Variants in KHDRBS2 observed in about 807,000 individuals in gnomAD.
The protein encoded by KHDRBS2 is KH domain-containing, RNA-binding, signal transduction-associated protein 2.
KHDRBS2 carries 26 observed loss-of-function variants against 44.3 expected under a neutral mutation model. The observed-to-expected ratio is 0.59, with a 90% CI of 0.43 to 0.81. The LOEUF (loss-of-function observed/expected upper bound fraction) is 0.81. Among genes scored for constraint, KHDRBS2 ranks in the 40% least tolerant of loss-of-function variants. KHDRBS2 has a pLI of 0.00. For missense variants in KHDRBS2, 476 were observed against 433.1 expected (o/e 1.10, Z -0.88); for synonymous variants, 194 against 151.1 (o/e 1.28, Z -2.08).
At chr6:62,053,587 C>T (rs1789574592) in intron 2 of KHDRBS2, among the ~76,000 whole-genome samples, 2 of 151,844 alleles carry the variant, frequency 1.3e-5, no homozygotes, top group South Asian at 4.1e-4. Context: ...AATCATTATA[C>T]AAACTCACAT....
the KHDRBS2 span, among the ~76,000 whole-genome samples, chr6:61,673,207 T>A: frequency 2.9e-4 from 44 of 152,212 alleles, no homozygotes; most frequent in African/African-American, 9.6e-4. Context: ...TTGATCTATA[T>A]CTCTGTTTTG....
intron 3 of KHDRBS2, among the ~76,000 whole-genome samples, chr6:62,044,282 C>T (rs952114139): frequency 7.9e-5 from 12 of 151,740 alleles, no homozygotes; most frequent in Admixed American, 1.3e-4. Flanking sequence ...TCAGGACCAG[C>T]CTGGACAACA....
At chr6:62,060,353 G>A (rs1791472635) in intron 2 of KHDRBS2, among the ~76,000 whole-genome samples, 2 of 151,710 alleles carry the variant, frequency 1.3e-5, no homozygotes, top group Admixed American at 6.6e-5. Flanking sequence ...GACTTTAAAT[G>A]TAAATTTAAA....
chr6:62,020,280 T>C (rs1782016534), intron 3 of KHDRBS2, among the ~76,000 whole-genome samples: 1 of 152,048 alleles, frequency 6.6e-6, no homozygotes, highest in Non-Finnish European at 1.5e-5. Context: ...TATTTGCTTA[T>C]TGATTCCTAA....
intron 8 of KHDRBS2, among the ~76,000 whole-genome samples, chr6:61,694,474 A>G (rs565239579): frequency 6.6e-6 from 1 of 152,314 alleles, no homozygotes; most frequent in South Asian, 2.1e-4. Context: ...GAATTAAAGA[A>G]AGGCCCAGTT....
At chr6:61,900,591 A>G (rs972101724) in intron 5 of KHDRBS2, among the ~76,000 whole-genome samples, 2 of 152,168 alleles carry the variant, frequency 1.3e-5, no homozygotes, top group Non-Finnish European at 2.9e-5. Flanking sequence ...AGTAAGCAAA[A>G]TCAAATAAAA....
intron 5 of KHDRBS2, among the ~76,000 whole-genome samples, chr6:61,899,626 C>G (rs1219535306): frequency 6.6e-6 from 1 of 151,420 alleles, no homozygotes; most frequent in African/African-American, 2.4e-5. Context: ...ATGGTCCACT[C>G]AAAAATGCCA....
chr6:62,184,877 T>C (rs1225222305), intron 1 of KHDRBS2, among the ~76,000 whole-genome samples: 2 of 151,922 alleles, frequency 1.3e-5, no homozygotes, highest in African/African-American at 4.8e-5. Context: ...AATAGGTATG[T>C]GATTAAATGC....
At chr6:61,644,632 A>AAAGTAGGC in the KHDRBS2 span, among the ~76,000 whole-genome samples, 1 of 152,180 alleles carries the variant, frequency 6.6e-6, no homozygotes, top group African/African-American at 2.4e-5. Context: ...CAACCCCTTT[A>AAAGTAGGC]AAAAGTAGGC....
downstream of KHDRBS2, among the ~76,000 whole-genome samples, chr6:61,677,521 A>G (rs1766012140): frequency 6.6e-6 from 1 of 151,964 alleles, no homozygotes; most frequent in Non-Finnish European, 1.5e-5. Context: ...AAGCTGTCTC[A>G]GGTGAAGGGG....
chr6:62,005,608 T>C (rs560868268), intron 3 of KHDRBS2, among the ~76,000 whole-genome samples: 6 of 151,422 alleles, frequency 4.0e-5, no homozygotes, highest in Non-Finnish European at 7.4e-5. Context: ...TAAATAATAG[T>C]AACACTAAAA....
At chr6:62,038,961 A>G (rs1450446886) in intron 3 of KHDRBS2, among the ~76,000 whole-genome samples, 2 of 152,054 alleles carry the variant, frequency 1.3e-5, no homozygotes, top group Admixed American at 1.3e-4. Flanking sequence ...CAACAAGCAA[A>G]ATAAAGCTAT....
At chr6:61,617,594 T>C in the KHDRBS2 span, among the ~76,000 whole-genome samples, 1 of 151,930 alleles carries the variant, frequency 6.6e-6, no homozygotes, top group Non-Finnish European at 1.5e-5. Context: ...AAGAAGAATG[T>C]TAATTTATTT....
Position 61,840,775 on chromosome 6 carries a change from A to C in KHDRBS2, c.810+53860T>G, listed in dbSNP as rs114301251. Among the ~76,000 whole-genome samples, 1,177 of 152,270 alleles carry C rather than the reference A, an allele frequency of 7.7e-3. 19 individuals carry two copies. The highest frequency in any genetic ancestry group is 0.027 in the African/African-American group (1,113 of 41,542). On this transcript the variant is annotated intron_variant, in intron 6 of 8. Transcript: ENST00000281156. ...CTCATTAAGTTCAGAAATTTGAGCC[A>C]AGAAGAAACAAAATTCTTATCGTGT... is the stretch of plus-strand genomic sequence containing the variant.
At chr6:61,785,897 A>C (rs1474680997) in intron 6 of KHDRBS2, among the ~76,000 whole-genome samples, 2 of 152,124 alleles carry the variant, frequency 1.3e-5, no homozygotes, top group African/African-American at 4.8e-5. Context: ...TTTTTCTTCC[A>C]ATTGTATTCA....
At chr6:61,759,109 C>G (rs766872942) in intron 6 of KHDRBS2, among the ~76,000 whole-genome samples, 1 of 152,028 alleles carries the variant, frequency 6.6e-6, no homozygotes. Flanking sequence ...GGACTTCAAG[C>G]CTTTTAAAGC....
chr6:62,031,724 C>CA (rs1441585813), intron 3 of KHDRBS2, among the ~76,000 whole-genome samples: 1 of 152,026 alleles, frequency 6.6e-6, no homozygotes, highest in Non-Finnish European at 1.5e-5. Context: ...TACAAGAGAA[C>CA]ACCAGGTAGA....
the KHDRBS2 span, among the ~76,000 whole-genome samples, chr6:61,644,267 C>G: frequency 1.3e-5 from 2 of 152,160 alleles, no homozygotes; most frequent in African/African-American, 4.8e-5. Context: ...ATGATTGAAA[C>G]TGGACCCCTT....
In KHDRBS2 at chr6:62,253,944, G is replaced by A. The variant is rs374059203; in HGVS notation, c.91+31914C>T. ...ATGTCAGAGTTCTTCTTTTATTTGA[G>A]GAATTATCCCATTAGCAGCATGGGG... On this transcript the variant is annotated intron_variant, in intron 1 of 8. Transcript: ENST00000281156. Among the ~76,000 whole-genome samples the A allele has an allele frequency of 6.7e-4, 102 of 151,904 alleles. 1 individual carries two copies. Among genetic ancestry groups the A allele is most frequent in the African/African-American group, 2.4e-3 (100 of 41,466 alleles).
Sources: gnomAD v4.1 joint callset for allele counts (sites outside exome capture counted in the v4.1 genomes callset) on GRCh38, gnomAD v4.1.1 for gene constraint, MANE v1.5 for transcripts, NCBI Gene and HGNC (gene_info 2026-07-23, HGNC 2026-07-21) for gene names.